Variants in HHIPL2 observed in about 807,000 individuals in gnomAD.
HHIPL2 encodes the protein HHIP like 2.
A neutral mutation model predicts 61.0 loss-of-function variants in HHIPL2; 61 were observed. The ratio of observed to expected loss-of-function variants is 1.00; its 90% CI spans 0.81 to 1.24. HHIPL2 has a LOEUF of 1.24. Ranked by LOEUF, HHIPL2 falls within the 50% of genes most tolerant of loss-of-function variation. The probability of loss-of-function intolerance (pLI) is 0.00; values close to 1 mark genes in which losing one functional copy is unlikely to be tolerated. For synonymous variants in HHIPL2, 343 were observed against 357.4 expected (o/e 0.96, Z 0.45); for missense variants, 885 against 910.2 (o/e 0.97, Z 0.36).
intron 4 of HHIPL2, among the ~76,000 whole-genome samples, chr1:222,539,285 A>T (rs555193175): frequency 6.6e-6 from 1 of 152,186 alleles, no homozygotes; most frequent in East Asian, 1.9e-4. Context: ...TAATCCCAGC[A>T]CTTTGGGAGG....
At position 222,522,535 on chromosome 1, in the gene HHIPL2, T is replaced by G. The variant is rs1383215327; in HGVS notation, c.*66A>C. ...GACTTCTAAGGTCTTTATTCAGCAG[T>G]GACTTTCATTTGATGAGGTGGCTCT... On this transcript the variant is annotated 3_prime_UTR_variant, in exon 9 of 9. Coordinates refer to ENST00000343410, the MANE Select transcript of HHIPL2 (RefSeq NM_024746.4). 6.5e-7 allele frequency: 1 copy of G among 1,537,162 alleles called. No homozygotes were observed. The highest frequency in any genetic ancestry group is 8.8e-7 in the Non-Finnish European group (1 of 1,134,000).
At chr1:222,524,712 T>C (rs764515070) in intron 7 of HHIPL2, among the ~76,000 whole-genome samples, 10 of 152,204 alleles carry the variant, frequency 6.6e-5, no homozygotes, top group Non-Finnish European at 1.5e-4. Flanking sequence ...AAAGGATACA[T>C]AAATTAACCA....
At chr1:222,544,356 T>C (rs17163185) in intron 1 of HHIPL2, among the ~76,000 whole-genome samples, 167 bp from the exon 2 acceptor site, 50,471 of 151,980 alleles carry the variant, frequency 0.33, 8,802 homozygotes, top group East Asian at 0.51. Flanking sequence ...ATTTTCTACC[T>C]AGTTAATGCT....
Position 222,547,877 on chromosome 1 carries a change from C to T in HHIPL2, c.168G>A (p.Leu56=). The T allele has an allele frequency of 6.2e-7, 1 of 1,614,140 alleles. No individual in the cohort carries two copies. The highest frequency in any genetic ancestry group is 8.5e-7 in the Non-Finnish European group (1 of 1,180,022). Residue 56 remains leucine, a synonymous_variant, in exon 1 of 9, where the codon CTG becomes CTA. Transcript: ENST00000343410. ...LDYGPPFQPP[L]HLEFCSDYES... is the part of the protein sequence containing the mutation. ...CATAGTCAGAGCAAAACTCAAGGTG[C>T]AGAGGGGGCTGGAAAGGGGGCCCGT...
rs1659482796 is a variant in HHIPL2 at position 222,543,617 on chromosome 1, C to G, written c.894G>C (p.Lys298Asn). The G allele has an allele frequency of 6.2e-7, 1 of 1,614,042 alleles. No individual in the cohort carries two copies. Among genetic ancestry groups the G allele is most frequent in the African/African-American group, 1.3e-5 (1 of 74,924 alleles). Residue 298 changes from lysine (K) to asparagine (N), a missense_variant, in exon 2 of 9, where the codon AAG (lysine) becomes AAC (asparagine). Coordinates refer to ENST00000343410, the MANE Select transcript of HHIPL2 (RefSeq NM_024746.4). ...KFYIYYSCLDKKKVEKIRISE... is the reference protein window; with the variant it reads ...KFYIYYSCLDNKKVEKIRISE... ...TAATTCGGATCTTTTCTACCTTCTT[C>G]TTGTCCAGGCACGAATAATAAATAT...
At chr1:222,536,333 A>G (rs1163603855) in intron 5 of HHIPL2, among the ~76,000 whole-genome samples, 1 of 152,198 alleles carries the variant, frequency 6.6e-6, no homozygotes, top group African/African-American at 2.4e-5. Flanking sequence ...TTCTATAGAT[A>G]TTAAAAGAAT....
intron 3 of HHIPL2, among the ~76,000 whole-genome samples, chr1:222,541,273 A>G (rs1659426612): frequency 6.6e-6 from 1 of 152,156 alleles, no homozygotes; most frequent in South Asian, 2.1e-4. Flanking sequence ...CTGGGTGCAA[A>G]GGGCAGAAGG....
intron 3 of HHIPL2, among the ~76,000 whole-genome samples, chr1:222,541,262 A>G (rs1240987956): frequency 6.6e-6 from 1 of 152,192 alleles, no homozygotes; most frequent in Non-Finnish European, 1.5e-5. Flanking sequence ...CCAAGTGCTT[A>G]CTGGGTGCAA....
chr1:222,539,074 T>A, intron 4 of HHIPL2: 1 of 353,794 alleles, frequency 2.8e-6, no homozygotes, highest in Non-Finnish European at 5.1e-6. Context: ...TAGGTTGATA[T>A]GGCAGAAACC....
chr1:222,527,055 G>A lies in HHIPL2; in HGVS notation c.1724-5C>T, dbSNP rs372919022. 33 of 1,610,642 alleles carry A rather than the reference G, an allele frequency of 2.0e-5. No individual in the cohort carries two copies. The highest frequency in any genetic ancestry group is 2.6e-5 in the Non-Finnish European group (31 of 1,177,900). On this transcript the variant is annotated splice_region_variant and splice_polypyrimidine_tract_variant and intron_variant, in intron 6 of 8. Coordinates refer to ENST00000343410, the MANE Select transcript of HHIPL2 (RefSeq NM_024746.4). ...TCGCCAGGAAATACAGCTCCCCTAA[G>A]GCAACAAAAATAGACAGGCAATAAT...
chr1:222,525,556 T>C (rs969544237), intron 7 of HHIPL2, among the ~76,000 whole-genome samples: 6 of 152,188 alleles, frequency 3.9e-5, no homozygotes, highest in African/African-American at 1.4e-4. Context: ...CCCTAACCAG[T>C]GGCTGGACCT....
In HHIPL2 at chr1:222,540,032, T is replaced by G. The variant is rs1659395573; in HGVS notation, c.1428A>C (p.Lys476Asn). 3 of 1,614,022 alleles carry G rather than the reference T, an allele frequency of 1.9e-6. No homozygotes were observed. In the East Asian group the frequency reaches 6.7e-5, roughly 36 times the overall value. The change falls in exon 4 of 9, where the codon AAA becomes AAC. Residue 476 changes from lysine to asparagine, a missense_variant. By Grantham distance (94) the Lys-to-Asn change is moderately conservative. Transcript: ENST00000343410. ...TACCCAAAGAGGCATTGTGACAAAG[T>G]TTTTTGTCATAACATGCAAACCCTT... ...AKEGFACYDKKLCHNASLDDV... is the reference protein window; with the variant it reads ...AKEGFACYDKNLCHNASLDDV...
At chr1:222,539,902 G>A in intron 4 of HHIPL2, 108 bp downstream of exon 4, 1 of 895,326 alleles carries the variant, frequency 1.1e-6, no homozygotes, top group Non-Finnish European at 1.7e-6. Flanking sequence ...CACAAACAAG[G>A]CGTGATTTAA....
chr1:222,546,371 A>G (rs541446798), intron 1 of HHIPL2, among the ~76,000 whole-genome samples: 7 of 152,346 alleles, frequency 4.6e-5, no homozygotes, highest in African/African-American at 1.7e-4. Flanking sequence ...AATGAGGATC[A>G]TAACAACTGC....
At position 222,540,273 on chromosome 1, in the gene HHIPL2, C is replaced by G; in HGVS notation, c.1187G>C (p.Arg396Pro). The G allele has an allele frequency of 6.2e-7, 1 of 1,614,206 alleles. No individual in the cohort carries two copies. Among genetic ancestry groups the G allele is most frequent in the Non-Finnish European group, 8.5e-7 (1 of 1,180,036 alleles). Residue 396 changes from arginine (R) to proline (P), a missense_variant, in exon 4 of 9, where the codon CGA becomes CCA. Arg to Pro is a moderately radical substitution (Grantham distance 103). Transcript: ENST00000343410. Reference sequence around the variant, plus strand: ...AACAAATGGATTGTCCGAGGGGACTCGGTACCGCTTGCCATGTGAGCCTGC... The same window carrying G: ...AACAAATGGATTGTCCGAGGGGACTGGGTACCGCTTGCCATGTGAGCCTGC... ...NRAGSHGKRY[R>P]VPSDNPFVSE...
At chr1:222,545,798 A>AG (rs1036458338) in intron 1 of HHIPL2, among the ~76,000 whole-genome samples, 2 of 152,058 alleles carry the variant, frequency 1.3e-5, no homozygotes, top group African/African-American at 4.8e-5. Context: ...TGAGAGGATG[A>AG]GGGGGGCAGA....
At chr1:222,531,408 G>C (rs1192555645) in intron 6 of HHIPL2, among the ~76,000 whole-genome samples, 1 of 152,196 alleles carries the variant, frequency 6.6e-6, no homozygotes, top group Non-Finnish European at 1.5e-5. Context: ...GAAGGAGTAA[G>C]TTGGCATATT....
rs150982451 is a variant in HHIPL2, at chr1:222,522,729, C to CA, written c.2046dup (p.Gly683TrpfsTer53). The CA allele has an allele frequency of 3.9e-4, 635 of 1,614,142 alleles. 4 individuals are homozygous for CA. In the African/African-American group the frequency reaches 7.6e-3, roughly 19 times the overall value. ...CCCACTCTGGCTTTCTTCTTTGTACCAGGCCCTCGCAATGTATTCTTGCTG... is the reference window on the plus strand; with the variant it reads ...CCCACTCTGGCTTTCTTCTTTGTACCAAGGCCCTCGCAATGTATTCTTGCTG... On this transcript the variant is annotated frameshift_variant, in exon 9 of 9. Transcript: ENST00000343410. LOFTEE classifies it low-confidence loss of function (END_TRUNC).
chr1:222,534,816 C>T (rs952501255), intron 5 of HHIPL2, among the ~76,000 whole-genome samples: 10 of 151,920 alleles, frequency 6.6e-5, no homozygotes, highest in African/African-American at 2.2e-4. Flanking sequence ...AGATCATCAG[C>T]GAACTATGGA....
Sources: gnomAD v4.1 joint callset for allele counts (sites outside exome capture counted in the v4.1 genomes callset) on GRCh38, gnomAD v4.1.1 for gene constraint, MANE v1.5 for transcripts, NCBI Gene and HGNC (gene_info 2026-07-23, HGNC 2026-07-21) for gene names.